The following IPO5 variants were observed in gnomAD, a reference collection of about 807,000 sequenced individuals.
The protein encoded by IPO5 is importin-5.
Under a neutral mutation model 143.3 loss-of-function variants are expected in IPO5, and 18 were observed. The observed-to-expected ratio is 0.13, with a 90% confidence interval of 0.09 to 0.19. The LOEUF is 0.19. Among genes scored for constraint, IPO5 ranks in the 10% least tolerant of loss-of-function variants. IPO5 has a pLI of 1.00. For missense variants in IPO5, 1,013 were observed against 1,336.9 expected, an observed-to-expected ratio of 0.76 and a Z score of 3.78; for synonymous variants, 477 against 465.7, an observed-to-expected ratio of 1.02 and a Z score of -0.31.
chr13:97,973,983 G>A (rs921235028), intron 3 of IPO5, among the ~76,000 whole-genome samples: 4 of 152,108 alleles, frequency 2.6e-5, no homozygotes, highest in African/African-American at 7.2e-5. Context: ...TGGGAGGATC[G>A]CTGGAGCCCA....
chr13:97,975,854 G>C, intron 3 of IPO5: 1 of 945,762 alleles, frequency 1.1e-6, no homozygotes, highest in South Asian at 4.9e-5. Context: ...GGCCTGGCGG[G>C]ACAGCCCCGG....
At chr13:98,008,471 T>C (rs765708437) in intron 18 of IPO5, among the ~76,000 whole-genome samples, 2 of 152,174 alleles carry the variant, frequency 1.3e-5, no homozygotes, top group East Asian at 3.9e-4. Flanking sequence ...ATCTTCAGAA[T>C]TGAAGATTCA....
chr13:98,017,026 T>G (rs970890436), intron 25 of IPO5, among the ~76,000 whole-genome samples, 175 bp downstream of exon 25: 2 of 152,228 alleles, frequency 1.3e-5, no homozygotes, highest in Non-Finnish European at 2.9e-5. Context: ...TCATTCATTA[T>G]ATGCTTGAAG....
chr13:98,014,075 T>C lies in IPO5; in HGVS notation c.2186T>C (p.Leu729Pro). Residue 729 changes from leucine to proline, a missense_variant, in exon 22 of 29, where the codon CTT (leucine) becomes CCT (proline). By Grantham distance (98) the Leu-to-Pro change is moderately conservative. Coordinates refer to ENST00000651721, the MANE Select transcript of IPO5 (RefSeq NM_002271.6). ...GTGGCAGCAGCGGAATCCATGCCTC[T>C]TCTCCTGGAGTGTGCAAGAGTCCGT... ...VRVAAAESMP[L>P]LLECARVRGP... 6.2e-7 allele frequency: 1 copy of C among 1,610,894 alleles called. No individual in the cohort carries two copies. The highest frequency in any genetic ancestry group is 1.1e-5 in the South Asian group (1 of 89,924).
chr13:97,994,194 G>A (rs146794671), intron 11 of IPO5, among the ~76,000 whole-genome samples: 2 of 152,258 alleles, frequency 1.3e-5, no homozygotes, highest in African/African-American at 4.8e-5. Context: ...GGTAATCCCA[G>A]CTACTCGGGA....
intron 28 of IPO5, 135 bp downstream of exon 28, chr13:98,021,268 C>A: frequency 1.4e-6 from 1 of 709,712 alleles, no homozygotes; most frequent in Non-Finnish European, 2.2e-6. Context: ...TGTCTCCAAG[C>A]CTCAAATGGA....
intron 2 of IPO5, among the ~76,000 whole-genome samples, chr13:97,959,708 G>A (rs938289154): frequency 3.9e-5 from 6 of 152,052 alleles, no homozygotes; most frequent in African/African-American, 4.8e-5. Flanking sequence ...CACTCCAGCC[G>A]GGGTGACGGA....
intron 2 of IPO5, among the ~76,000 whole-genome samples, chr13:97,955,800 T>G (rs1441067996): frequency 6.6e-6 from 1 of 152,110 alleles, no homozygotes; most frequent in Non-Finnish European, 1.5e-5. Flanking sequence ...AGGGCCAACT[T>G]CTATCCTATA....
chr13:97,996,158 G>C (rs1176785782), intron 11 of IPO5, among the ~76,000 whole-genome samples: 1 of 152,044 alleles, frequency 6.6e-6, no homozygotes, highest in Admixed American at 6.6e-5. Context: ...CATGATCTCA[G>C]CTCACTGCAG....
chr13:97,978,059 C>G (rs1402166342), intron 4 of IPO5, among the ~76,000 whole-genome samples: 1 of 152,080 alleles, frequency 6.6e-6, no homozygotes, highest in East Asian at 1.9e-4. Flanking sequence ...TAAACACACC[C>G]AAAATTCGGT....
At chr13:98,018,825 C>T in intron 26 of IPO5, 121 bp downstream of exon 26, 2 of 671,920 alleles carry the variant, frequency 3.0e-6, no homozygotes, top group Non-Finnish European at 5.1e-6. Flanking sequence ...TGTTTTCAGA[C>T]ATCTCATCTG....
intron 25 of IPO5, among the ~76,000 whole-genome samples, chr13:98,018,272 A>G (rs1166522602): frequency 6.6e-6 from 1 of 152,212 alleles, no homozygotes; most frequent in Non-Finnish European, 1.5e-5. Flanking sequence ...AGAGTTCTGT[A>G]ACAAATCATA....
At chr13:97,959,385 A>G (rs1884693120) in intron 2 of IPO5, among the ~76,000 whole-genome samples, 1 of 151,586 alleles carries the variant, frequency 6.6e-6, no homozygotes, top group South Asian at 2.1e-4. Flanking sequence ...TGCTTGAGAG[A>G]GCCTCCTCCA....
chr13:97,998,083 C>T (rs1051030682), intron 12 of IPO5, among the ~76,000 whole-genome samples: 3 of 152,254 alleles, frequency 2.0e-5, no homozygotes, highest in Admixed American at 6.5e-5. Context: ...TCACGCCATT[C>T]TCCTGCCTCA....
At position 97,989,127 on chromosome 13, in the gene IPO5, A is replaced by G; in HGVS notation, c.430A>G (p.Asn144Asp). 1 of 1,613,400 alleles carries G rather than the reference A, an allele frequency of 6.2e-7. No individual in the cohort carries two copies. ...KFLFDSVSSQ[N>D]VGLREAALHI... ...CCTTTTTGATTCAGTCAGCTCTCAA[A>G]ATGTGGGACTGCGGGAAGCTGCCCT... The change falls in exon 7 of 29, where the codon AAT becomes GAT. Residue 144 changes from asparagine to aspartate, a missense_variant. Asn to Asp is a conservative substitution (Grantham distance 23). This residue lies in a region of IPO5 where 328 missense variants were observed against 342.0 expected (regional missense o/e 0.96). Transcript: ENST00000651721.
At position 97,985,654 on chromosome 13, in the gene IPO5, A is replaced by G. The variant is rs376861882; in HGVS notation, c.364+41A>G. On this transcript the variant is annotated intron_variant, in intron 6 of 28. Transcript: ENST00000651721. The stretch of plus-strand genomic sequence containing the variant: ...CACTCATGTTACCAAGAACATGGGT[A>G]TATCCTTCCTTTTTTTTTTTTTTAA... 2.0e-5 allele frequency: 26 copies of G among 1,281,034 alleles called. No individual in the cohort carries two copies. The African/African-American group carries it at 3.3e-4, about 16-fold the overall frequency. The allele number at this position is 1,281,034 out of a possible 1,614,324, so 79.4% of individuals were successfully genotyped here.
chr13:97,977,846 A>G (rs1398561669), intron 4 of IPO5, among the ~76,000 whole-genome samples: 8 of 152,344 alleles, frequency 5.3e-5, no homozygotes, highest in Admixed American at 5.2e-4. Flanking sequence ...GAGTTTCATA[A>G]GATTAAGTGA....
At chr13:97,982,388 C>A in intron 4 of IPO5, 115 bp from the exon 5 acceptor site, 1 of 676,390 alleles carries the variant, frequency 1.5e-6, no homozygotes. Flanking sequence ...GGTGTTAACA[C>A]CAGACCTAGA....
At position 97,961,625 on chromosome 13, in the gene IPO5, T is replaced by C. The variant is rs553652681; in HGVS notation, c.-113+7427T>C. Among the ~76,000 whole-genome samples the C allele has an allele frequency of 3.3e-5, 5 of 152,328 alleles. No individual in the cohort carries two copies. In the South Asian group the frequency reaches 6.2e-4, roughly 19 times the overall value. The stretch of plus-strand genomic sequence containing the variant: ...TTTTTATTAAAGCCATTTTATTGGG[T>C]ATGAAGTGGTAACTTACATTGTGGT... On this transcript the variant is annotated intron_variant, in intron 2 of 28. Coordinates refer to ENST00000651721, the MANE Select transcript of IPO5 (RefSeq NM_002271.6).
Sources: gnomAD v4.1 joint callset for allele counts (sites outside exome capture counted in the v4.1 genomes callset) on GRCh38, gnomAD v4.1.1 for gene constraint, gnomAD v4.1.1 regional missense constraint, MANE v1.5 for transcripts, NCBI Gene and HGNC (gene_info 2026-07-23, HGNC 2026-07-21) for gene names.